ARHGAP39: variants seen among roughly 807,000 people sequenced by gnomAD.
ARHGAP39 encodes Rho GTPase activating protein 39, also known as rho GTPase-activating protein 39.
In ARHGAP39, 44 loss-of-function variants were observed where a neutral mutation model predicts 106.9. That is an observed-to-expected ratio of 0.41 (90% CI 0.32 to 0.53). The LOEUF is 0.53. ARHGAP39 is among the 20% of genes least tolerant of loss of function. The pLI, the probability that ARHGAP39 is intolerant of heterozygous loss-of-function variation, is 0.21. For synonymous variants in ARHGAP39, 768 were observed against 693.2 expected (o/e 1.11, Z -1.69); for missense variants, 1,496 against 1,577.3 (o/e 0.95, Z 0.87).
chr8:144,548,158 G>T lies in ARHGAP39; in HGVS notation c.928C>A (p.Pro310Thr), dbSNP rs778326683. The T allele has an allele frequency of 3.8e-6, 6 of 1,574,348 alleles. No homozygotes were observed. In the East Asian group the frequency reaches 9.0e-5, roughly 24 times the overall value. Residue 310 changes from proline (P) to threonine (T), a missense_variant, in exon 5 of 12, where the codon CCC becomes ACC. Pro to Thr is a conservative substitution (Grantham distance 38). Coordinates refer to ENST00000377307, the MANE Select transcript of ARHGAP39 (RefSeq NM_025251.3). The surrounding 1 kb of genome is among the most constrained non-coding windows in gnomAD (Gnocchi z 7.4). ...QPSSPRYGYEPPLYEEPPVEY... is the reference protein window; with the variant it reads ...QPSSPRYGYETPLYEEPPVEY... ...ACTGGGGGCTCCTCGTAGAGCGGGGGTTCATAGCCATAGCGCGGGGAGGAG... is the reference window on the plus strand; with the variant it reads ...ACTGGGGGCTCCTCGTAGAGCGGGGTTTCATAGCCATAGCGCGGGGAGGAG...
rs186725620 is a variant in ARHGAP39 at position 144,537,769 on chromosome 8, T to A, written c.2566A>T (p.Lys856Ter). Residue 856 changes from lysine (K) to a stop codon, truncating the protein, a stop_gained, in exon 7 of 12, where the codon AAG (lysine) becomes TAG (stop). Transcript: ENST00000377307. LOFTEE classifies it high-confidence loss of function. ...TTGGGTTTCTTTCTCAATTTGGACT[T>A]CTTCTTAGTGTTTCTTTCCAGGAGC... ...KELLERNTKK[K>*]SKLRKKPKPY... 1.0e-4 allele frequency: 162 copies of A among 1,614,070 alleles called. No individual in the cohort carries two copies. The East Asian group carries it at 1.2e-3, about 12-fold the overall frequency.
chr8:144,623,938 A>T (rs955542369), intron 1 of ARHGAP39, among the ~76,000 whole-genome samples: 1 of 152,214 alleles, frequency 6.6e-6, no homozygotes, highest in Admixed American at 6.5e-5. Flanking sequence ...TTGGGGTGAC[A>T]ACAGCACACC....
At chr8:144,550,808 G>C (rs902567490) in intron 4 of ARHGAP39, among the ~76,000 whole-genome samples, 1 of 152,234 alleles carries the variant, frequency 6.6e-6, no homozygotes, top group Non-Finnish European at 1.5e-5. Context: ...AAACCCTGAG[G>C]GCCAGCTGTG....
intron 1 of ARHGAP39, among the ~76,000 whole-genome samples, chr8:144,636,985 C>T (rs1206817535): frequency 6.6e-6 from 1 of 152,238 alleles, no homozygotes; most frequent in East Asian, 1.9e-4. Context: ...CTGTGTCTTT[C>T]TGGAAGCTTT....
In ARHGAP39 at chr8:144,621,490, G is replaced by A. The variant is rs576177364; in HGVS notation, c.-81-15795C>T. 2.3e-4 allele frequency among the ~76,000 whole-genome samples: 35 copies of A among 152,342 alleles called. 1 individual carries two copies. Among genetic ancestry groups the A allele is most frequent in the African/African-American group, 5.3e-4 (22 of 41,580 alleles). On this transcript the variant is annotated intron_variant, in intron 1 of 11. Transcript: ENST00000377307. ...GAGAAGAGGTTCTGAGGCAAGAGGC[G>A]GGAAGGGCTGGGGGGCAGGGCCTGG...
chr8:144,589,910 G>A (rs974072808), intron 2 of ARHGAP39, among the ~76,000 whole-genome samples: 1 of 152,266 alleles, frequency 6.6e-6, no homozygotes, highest in Non-Finnish European at 1.5e-5. Context: ...GGAACCTACA[G>A]AGGCTGAGAT....
At chr8:144,588,426 A>G (rs897961134) in intron 2 of ARHGAP39, among the ~76,000 whole-genome samples, 4 of 152,240 alleles carry the variant, frequency 2.6e-5, no homozygotes, top group Non-Finnish European at 5.9e-5. Flanking sequence ...GTTAGCTAAC[A>G]TGTTTTCAGA....
intron 1 of ARHGAP39, among the ~76,000 whole-genome samples, chr8:144,682,035 G>A (rs1035474066): frequency 3.9e-5 from 6 of 152,092 alleles, no homozygotes; most frequent in Non-Finnish European, 4.4e-5. Flanking sequence ...TTGGGAGGCC[G>A]AGGCGGGCAG....
intron 1 of ARHGAP39, among the ~76,000 whole-genome samples, chr8:144,608,342 T>C (rs1375893761): frequency 6.6e-6 from 1 of 152,158 alleles, no homozygotes; most frequent in Non-Finnish European, 1.5e-5. Flanking sequence ...GAGAGCCACC[T>C]TGACCAACTC....
At chr8:144,600,457 G>C (rs1169986221) in intron 2 of ARHGAP39, among the ~76,000 whole-genome samples, 1 of 99,936 alleles carries the variant, frequency 1.0e-5, no homozygotes, top group Non-Finnish European at 2.0e-5. Flanking sequence ...TGTGCACTTG[G>C]GTACCTACCT....
intron 1 of ARHGAP39, among the ~76,000 whole-genome samples, chr8:144,640,896 T>C (rs752123901): frequency 1.1e-4 from 17 of 152,172 alleles, no homozygotes; most frequent in Non-Finnish European, 2.2e-4. Context: ...ACACAGTTAG[T>C]TGTCTGTTTT....
At chr8:144,543,428 C>T (rs1434921461) in intron 6 of ARHGAP39, among the ~76,000 whole-genome samples, 1 of 152,184 alleles carries the variant, frequency 6.6e-6, no homozygotes, top group Non-Finnish European at 1.5e-5. Flanking sequence ...CAATCAGGGA[C>T]CCTGACAGAC....
At position 144,529,188 on chromosome 8, in the gene ARHGAP39, T is replaced by C. The variant is rs949455770; in HGVS notation, c.*1234A>G. 9 of 370,436 alleles carry C rather than the reference T, an allele frequency of 2.4e-5. No homozygotes were observed. The highest frequency in any genetic ancestry group is 4.9e-5 in the Admixed American group (1 of 20,298). 22.9% of individuals were successfully genotyped at this position (370,436 alleles called of 1,614,324 possible). On this transcript the variant is annotated 3_prime_UTR_variant, in exon 12 of 12. Coordinates refer to ENST00000377307, the MANE Select transcript of ARHGAP39 (RefSeq NM_025251.3). ...GGAACGGGAGGACGCGCAGGGTCCA[T>C]GTGCACTTTATTCACTCGTGTCGTC... is the stretch of plus-strand genomic sequence containing the variant.
At chr8:144,536,983 G>A (rs1024262787) in intron 7 of ARHGAP39, among the ~76,000 whole-genome samples, 2 of 152,236 alleles carry the variant, frequency 1.3e-5, no homozygotes. Flanking sequence ...GTGGGCGTGA[G>A]GCACTAACTG....
rs889553041 is a variant in ARHGAP39 at position 144,547,377 on chromosome 8, A to G, written c.1709T>C (p.Met570Thr). Reference sequence around the variant, plus strand: ...GGAGTCCCAGCTGCTCCTCTGCTTCATGTGGAAGTGGGCCTGCTGCGCCTC... The same window carrying G: ...GGAGTCCCAGCTGCTCCTCTGCTTCGTGTGGAAGTGGGCCTGCTGCGCCTC... ...AWEAQQAHFH[M>T]KQRSSWDSQQ... Residue 570 changes from methionine to threonine, a missense_variant, in exon 5 of 12, where the codon ATG becomes ACG. This residue lies in a region of ARHGAP39 where 905 missense variants were observed against 816.4 expected (regional missense o/e 1.11). Transcript: ENST00000377307. This position sits in a 1 kb window ranked among gnomAD's most constrained non-coding sequence, Gnocchi z 5.2. 3 of 1,599,162 alleles carry G rather than the reference A, an allele frequency of 1.9e-6. No homozygotes were observed. The highest frequency in any genetic ancestry group is 2.7e-5 in the African/African-American group (2 of 74,734).
intron 2 of ARHGAP39, among the ~76,000 whole-genome samples, chr8:144,599,245 A>G (rs369870070): frequency 6.6e-6 from 1 of 152,248 alleles, no homozygotes; most frequent in African/African-American, 2.4e-5. Context: ...TTGTAATTGC[A>G]GAATATGCGA....
rs191557855 is a variant in ARHGAP39 at position 144,587,934 on chromosome 8, C to T, written c.81-6657G>A. On this transcript the variant is annotated intron_variant, in intron 2 of 11. Coordinates refer to ENST00000377307, the MANE Select transcript of ARHGAP39 (RefSeq NM_025251.3). ...TTGGGATTACAGGCGTGAGCCACCG[C>T]GCCCGGCCAGAAGAAACATTTTTAC... Among the ~76,000 whole-genome samples, 5 of 152,196 alleles carry T rather than the reference C, an allele frequency of 3.3e-5. No homozygotes were observed. In the East Asian group the frequency reaches 5.8e-4, roughly 18 times the overall value.
chr8:144,673,229 A>G (rs1341344636), intron 1 of ARHGAP39, among the ~76,000 whole-genome samples: 1 of 150,608 alleles, frequency 6.6e-6, no homozygotes, highest in African/African-American at 2.4e-5. Context: ...AAAAAAAAAG[A>G]GGAAGAAAGA....
chr8:144,678,163 C>T (rs1430399118), intron 1 of ARHGAP39, among the ~76,000 whole-genome samples: 4 of 151,884 alleles, frequency 2.6e-5, no homozygotes, highest in Admixed American at 6.6e-5. Context: ...CTGGCACTTT[C>T]GGAGGCCGAG....
Sources: gnomAD v4.1 joint callset for allele counts (sites outside exome capture counted in the v4.1 genomes callset) on GRCh38, gnomAD v4.1.1 for gene constraint, gnomAD v4.1.1 regional missense constraint, Gnocchi (gnomAD v3.1) non-coding constraint, MANE v1.5 for transcripts, NCBI Gene and HGNC (gene_info 2026-07-23, HGNC 2026-07-21) for gene names.